The following KIZ variants were observed in gnomAD, a reference collection of about 807,000 sequenced individuals.
The protein encoded by KIZ is centrosomal protein kizuna.
A neutral mutation model predicts 79.6 loss-of-function variants in KIZ; 68 were observed. The observed-to-expected ratio is 0.85, with a 90% CI of 0.70 to 1.05. KIZ has a LOEUF of 1.05. Among genes scored for constraint, KIZ ranks in the 50% least tolerant of loss-of-function variants. KIZ has a pLI of 0.00. For missense variants in KIZ, 797 were observed against 800.4 expected, an observed-to-expected ratio of 1.00 and a Z score of 0.05; for synonymous variants, 280 against 281.8, an observed-to-expected ratio of 0.99 and a Z score of 0.06.
chr20:21,165,629 T>A (rs1282348184), intron 6 of KIZ, among the ~76,000 whole-genome samples: 5 of 151,714 alleles, frequency 3.3e-5, no homozygotes, highest in Non-Finnish European at 7.4e-5. Flanking sequence ...GCCCTGAGAT[T>A]CCCGCTCCCT....
intron 10 of KIZ, 41 bp downstream of exon 10, chr20:21,229,156 G>A (rs1295817950): frequency 4.3e-6 from 5 of 1,160,384 alleles, no homozygotes; most frequent in South Asian, 3.8e-5. Context: ...GCCCAGAGTG[G>A]CAGGCAGGGC....
intron 6 of KIZ, among the ~76,000 whole-genome samples, chr20:21,190,815 C>A (rs2035075936): frequency 6.6e-6 from 1 of 152,124 alleles, no homozygotes; most frequent in Non-Finnish European, 1.5e-5. Flanking sequence ...CTATCCAGAC[C>A]ATATGTTTTT....
In KIZ at chr20:21,162,432, A is replaced by T. The variant is rs1418639575; in HGVS notation, c.967A>T (p.Ile323Leu). The T allele has an allele frequency of 6.2e-7, 1 of 1,612,994 alleles. No homozygotes were observed. Among genetic ancestry groups the T allele is most frequent in the South Asian group, 1.1e-5 (1 of 91,038 alleles). Residue 323 changes from isoleucine (I) to leucine (L), a missense_variant, in exon 5 of 13, where the codon ATA becomes TTA. Transcript: ENST00000619189. Reference sequence around the variant, plus strand: ...AAGAGCCAGCCCGCCAGTCTCTCCGATACCAGTTTCAGAATACTGTGAATC... The same window carrying T: ...AAGAGCCAGCCCGCCAGTCTCTCCGTTACCAGTTTCAGAATACTGTGAATC... ...EKRASPPVSPIPVSEYCESEN... is the reference protein window; with the variant it reads ...EKRASPPVSPLPVSEYCESEN...
chr20:21,228,451 C>T (rs1195127841), intron 9 of KIZ, among the ~76,000 whole-genome samples: 1 of 152,176 alleles, frequency 6.6e-6, no homozygotes, highest in African/African-American at 2.4e-5. Context: ...TCCCTGTGGA[C>T]ACCTGGCTTT....
At chr20:21,147,329 A>G (rs2032899770) in intron 4 of KIZ, among the ~76,000 whole-genome samples, 2 of 152,236 alleles carry the variant, frequency 1.3e-5, no homozygotes, top group African/African-American at 4.8e-5. Context: ...TTGGCTGTAT[A>G]AGAATCGATT....
intron 11 of KIZ, among the ~76,000 whole-genome samples, chr20:21,242,393 C>A (rs767520691): frequency 1.3e-5 from 2 of 152,208 alleles, no homozygotes; most frequent in Non-Finnish European, 2.9e-5. Context: ...AGAAAGCTCA[C>A]TCTCATTGCC....
intron 11 of KIZ, among the ~76,000 whole-genome samples, chr20:21,240,370 C>T (rs1171455414): frequency 1.3e-5 from 2 of 152,138 alleles, no homozygotes; most frequent in Non-Finnish European, 2.9e-5. Flanking sequence ...GGTGATCACC[C>T]GCCTCAGCCT....
rs1476566636 is a variant in KIZ at position 21,132,131 on chromosome 20, T to C, written c.124T>C (p.Tyr42His). Residue 42 changes from tyrosine to histidine, a missense_variant, in exon 2 of 13, where the codon TAT becomes CAT. Tyr to His is a moderately conservative substitution (Grantham distance 83). Coordinates refer to ENST00000619189, the MANE Select transcript of KIZ (RefSeq NM_018474.6). The stretch of plus-strand genomic sequence containing the variant: ...GAGATTGGACCTGGAAAAGAAACTT[T>C]ATGAATATAATCAGTCTGATACATG... Reference protein sequence around the residue: ...KKRLDLEKKLYEYNQSDTCRV... With the variant: ...KKRLDLEKKLHEYNQSDTCRV... The C allele has an allele frequency of 2.0e-6, 3 of 1,472,604 alleles. No individual in the cohort carries two copies. In the Admixed American group the frequency reaches 6.1e-5, roughly 30 times the overall value. 91.2% of individuals were successfully genotyped at this position (1,472,604 alleles called of 1,614,324 possible).
intron 9 of KIZ, chr20:21,218,362 C>T (rs1157506904): frequency 6.6e-6 from 1 of 152,134 alleles, no homozygotes; most frequent in Non-Finnish European, 1.5e-5. Context: ...TACCTGATTA[C>T]CAGGCAGCAG....
intron 4 of KIZ, among the ~76,000 whole-genome samples, chr20:21,157,646 C>T (rs774592248): frequency 5.9e-5 from 9 of 152,110 alleles, no homozygotes; most frequent in Non-Finnish European, 8.8e-5. Flanking sequence ...GCTCTGGATT[C>T]GTTGTTCAGT....
At chr20:21,171,941 C>T (rs948146579) in intron 6 of KIZ, among the ~76,000 whole-genome samples, 1 of 152,176 alleles carries the variant, frequency 6.6e-6, no homozygotes, top group Admixed American at 6.5e-5. Flanking sequence ...CCAGTCGTCC[C>T]CACCAAGGTG....
intron 6 of KIZ, among the ~76,000 whole-genome samples, chr20:21,174,019 G>T (rs1384990575): frequency 6.6e-6 from 1 of 152,170 alleles, no homozygotes; most frequent in Admixed American, 6.6e-5. Context: ...CTCAGAAGAC[G>T]CTGCAGGGAA....
Position 21,162,920 on chromosome 20 carries a change from T to C in KIZ, c.1113T>C (p.Ser371=). 1 of 1,613,664 alleles carries C rather than the reference T, an allele frequency of 6.2e-7. No individual in the cohort carries two copies. Among genetic ancestry groups the C allele is most frequent in the Non-Finnish European group, 8.5e-7 (1 of 1,179,748 alleles). ...AAATGCAGGAAGAGGAGGAGGAAAG[T>C]TGGAGCACCAGCAGTGACCTTACCA... ...FRKMQEEEEE[S]WSTSSDLTIS... is the part of the protein sequence containing the mutation. Residue 371 remains serine (S), a synonymous_variant, in exon 6 of 13, where the codon AGT becomes AGC. Transcript: ENST00000619189.
At chr20:21,136,196 T>A (rs1335044323) in intron 2 of KIZ, among the ~76,000 whole-genome samples, 194 bp from the exon 3 acceptor site, 1 of 152,160 alleles carries the variant, frequency 6.6e-6, no homozygotes, top group African/African-American at 2.4e-5. Flanking sequence ...GAAACCGATA[T>A]GATACCTCAG....
At chr20:21,183,504 GC>G (rs2122942785) in intron 6 of KIZ, among the ~76,000 whole-genome samples, 1 of 152,330 alleles carries the variant, frequency 6.6e-6, no homozygotes, top group South Asian at 2.1e-4. Context: ...TGGCTGTGTG[GC>G]TAGCTTCACG....
chr20:21,236,174 A>G (rs1443807775), intron 11 of KIZ, among the ~76,000 whole-genome samples: 1 of 152,218 alleles, frequency 6.6e-6, no homozygotes, highest in East Asian at 1.9e-4. Context: ...AGTTAAGTTG[A>G]CCTCAGGCAG....
chr20:21,160,776 G>C (rs981329245), intron 4 of KIZ: 3 of 152,146 alleles, frequency 2.0e-5, no homozygotes, highest in Admixed American at 6.5e-5. Context: ...CAAGGGGGCA[G>C]AGCCTTCATG....
At position 21,215,725 on chromosome 20, in the gene KIZ, G is replaced by A. The variant is rs548734816; in HGVS notation, c.1678+77G>A. 6.5e-6 allele frequency: 6 copies of A among 925,246 alleles called. No homozygotes were observed. The East Asian group carries it at 7.9e-5, about 12-fold the overall frequency. The allele number at this position is 925,246 out of a possible 1,614,324, so 57.3% of individuals were successfully genotyped here. On this transcript the variant is annotated intron_variant, in intron 9 of 12. Transcript: ENST00000619189. ...ATAAGCGGAACATTTTGGGTCAGTG[G>A]TTTGTGGACCCCACTAAGAGCACAT... is the stretch of plus-strand genomic sequence containing the variant.
chr20:21,241,545 A>G (rs1012980152), intron 11 of KIZ, among the ~76,000 whole-genome samples: 4 of 152,224 alleles, frequency 2.6e-5, no homozygotes, highest in Admixed American at 6.5e-5. Context: ...GCATTACACA[A>G]TTAATTCACA....
Sources: gnomAD v4.1 joint callset for allele counts (sites outside exome capture counted in the v4.1 genomes callset) on GRCh38, gnomAD v4.1.1 for gene constraint, MANE v1.5 for transcripts, NCBI Gene and HGNC (gene_info 2026-07-23, HGNC 2026-07-21) for gene names.